CMTM8: variants seen among roughly 807,000 people sequenced by gnomAD.
CMTM8 encodes CKLF-like MARVEL transmembrane domain-containing protein 8.
CMTM8 carries 12 observed loss-of-function variants against 18.6 expected under a neutral mutation model. That is an observed-to-expected ratio of 0.65 (90% CI 0.41 to 1.05). The LOEUF (loss-of-function observed/expected upper bound fraction) is 1.05. CMTM8 is among the 50% of genes least tolerant of loss of function. The pLI is 0.00. For missense variants in CMTM8, 217 were observed against 227.2 expected (o/e 0.95, Z 0.29); for synonymous variants, 87 against 90.6 (o/e 0.96, Z 0.23).
chr3:32,355,923 A>G (rs1696806906), intron 1 of CMTM8, among the ~76,000 whole-genome samples: 1 of 152,048 alleles, frequency 6.6e-6, no homozygotes, highest in Admixed American at 6.6e-5. Context: ...TTCAGCCTGG[A>G]CTTCTCCGAT....
chr3:32,352,069 T>C (rs1390495381), intron 1 of CMTM8, among the ~76,000 whole-genome samples: 1 of 151,204 alleles, frequency 6.6e-6, no homozygotes, highest in Non-Finnish European at 1.5e-5. Context: ...TTACAGCTAC[T>C]CGGGAGGCTG....
At chr3:32,357,877 T>C (rs754829588) in intron 2 of CMTM8, among the ~76,000 whole-genome samples, 2 of 152,230 alleles carry the variant, frequency 1.3e-5, no homozygotes, top group Non-Finnish European at 2.9e-5. Flanking sequence ...TGGAAATAAA[T>C]ATGCCAGGGC....
chr3:32,315,535 T>C (rs1695910447), intron 1 of CMTM8, among the ~76,000 whole-genome samples: 1 of 152,158 alleles, frequency 6.6e-6, no homozygotes. Flanking sequence ...GGCCAGGTGC[T>C]CAGCGAAGGC....
At chr3:32,261,721 C>T (rs1702261490) in intron 1 of CMTM8, among the ~76,000 whole-genome samples, 2 of 152,096 alleles carry the variant, frequency 1.3e-5, no homozygotes, top group African/African-American at 2.4e-5. Context: ...TCTACTTGAA[C>T]CATGATTTGA....
chr3:32,298,798 A>AAT (rs139764907), intron 1 of CMTM8, among the ~76,000 whole-genome samples: 49,324 of 135,850 alleles, frequency 0.36, 8,835 homozygotes, highest in East Asian at 0.48. Flanking sequence ...ACACCCAGCT[A>AAT]ATATATATAT....
chr3:32,314,299 G>A (rs1453318888), intron 1 of CMTM8, among the ~76,000 whole-genome samples: 4 of 152,080 alleles, frequency 2.6e-5, no homozygotes, highest in South Asian at 4.1e-4. Flanking sequence ...TGCAGGGGCT[G>A]GTTGGGGTAC....
intron 1 of CMTM8, among the ~76,000 whole-genome samples, chr3:32,267,543 AAGGACTTC>A (rs1702367960): frequency 1.3e-5 from 2 of 152,244 alleles, no homozygotes; most frequent in Non-Finnish European, 2.9e-5. Flanking sequence ...AGGCATGGGC[AAGGACTTC>A]ATGTCTAAAA....
At chr3:32,315,489 G>A (rs150181161) in intron 1 of CMTM8, among the ~76,000 whole-genome samples, 1 of 152,308 alleles carries the variant, frequency 6.6e-6, no homozygotes, top group African/African-American at 2.4e-5. Context: ...ACAAAACGGG[G>A]CAGGATGAAC....
chr3:32,331,922 C>G (rs761385850), intron 1 of CMTM8, among the ~76,000 whole-genome samples: 7 of 152,140 alleles, frequency 4.6e-5, no homozygotes, highest in Non-Finnish European at 7.3e-5. Context: ...TCTACAGTTT[C>G]ACTTTTACAA....
chr3:32,277,867 G>C (rs1559368049), intron 1 of CMTM8, among the ~76,000 whole-genome samples: 1 of 152,204 alleles, frequency 6.6e-6, no homozygotes, highest in Non-Finnish European at 1.5e-5. Context: ...TTGGAGCCAA[G>C]AAGTGGCTGC....
intron 1 of CMTM8, among the ~76,000 whole-genome samples, chr3:32,278,800 T>C (rs7611893): frequency 0.59 from 90,243 of 152,080 alleles, 26,964 homozygotes; most frequent in Middle Eastern, 0.68. Context: ...GGGTCAGTCC[T>C]GTTTACTGAG....
rs1696452258 is a variant in CMTM8, at chr3:32,339,490, G to T, written c.148-17883G>T. ...GACCACATGGTTTGAAATCCTCCCAGGCAATCCAGACATGCTTCTGCTAAG... is the reference window on the plus strand; with the variant it reads ...GACCACATGGTTTGAAATCCTCCCATGCAATCCAGACATGCTTCTGCTAAG... On this transcript the variant is annotated intron_variant, in intron 1 of 3. Transcript: ENST00000307526. Among the ~76,000 whole-genome samples, 4 of 152,216 alleles carry T rather than the reference G, an allele frequency of 2.6e-5. No homozygotes were observed. In the South Asian group the frequency reaches 8.3e-4, roughly 32 times the overall value.
chr3:32,339,524 C>T (rs994391704), intron 1 of CMTM8, among the ~76,000 whole-genome samples: 2 of 152,186 alleles, frequency 1.3e-5, no homozygotes, highest in African/African-American at 4.8e-5. Flanking sequence ...AGGGCCAGCT[C>T]TCCATTCCCA....
chr3:32,251,209 G>A (rs955374557), intron 1 of CMTM8, among the ~76,000 whole-genome samples: 1 of 152,160 alleles, frequency 6.6e-6, no homozygotes, highest in Non-Finnish European at 1.5e-5. Flanking sequence ...ATAATATTCA[G>A]GGGAGCCTGA....
At chr3:32,301,733 A>G (rs1695622408) in intron 1 of CMTM8, among the ~76,000 whole-genome samples, 2 of 138,900 alleles carry the variant, frequency 1.4e-5, no homozygotes, top group Non-Finnish European at 3.2e-5. Context: ...GATATGAAAC[A>G]AAAAAAAAAA....
chr3:32,266,853 G>A (rs1420100221), intron 1 of CMTM8, among the ~76,000 whole-genome samples: 1 of 152,146 alleles, frequency 6.6e-6, no homozygotes, highest in Admixed American at 6.6e-5. Flanking sequence ...ATTCATAATT[G>A]CTTCAAAGAG....
At chr3:32,285,252 C>A (rs957366230) in intron 1 of CMTM8, among the ~76,000 whole-genome samples, 3 of 152,098 alleles carry the variant, frequency 2.0e-5, no homozygotes, top group African/African-American at 7.2e-5. Context: ...CAGTGGCTCA[C>A]GCCCGTAATC....
intron 1 of CMTM8, among the ~76,000 whole-genome samples, chr3:32,298,974 CAGGG>C (rs1695555204): frequency 7.5e-6 from 1 of 133,358 alleles, no homozygotes; most frequent in Non-Finnish European, 1.6e-5. Flanking sequence ...TTTTTAGAGA[CAGGG>C]GTCCAGGCTA....
chr3:32,294,419 G>A (rs1218440266), intron 1 of CMTM8, among the ~76,000 whole-genome samples: 2 of 152,076 alleles, frequency 1.3e-5, no homozygotes, highest in African/African-American at 2.4e-5. Context: ...CCTTCTCCAC[G>A]TTCCCTCTGG....
Sources: allele counts gnomAD v4.1 joint callset (sites outside exome capture counted in the v4.1 genomes callset), GRCh38; gene constraint gnomAD v4.1.1; transcripts MANE v1.5; gene names NCBI Gene and HGNC (gene_info 2026-07-23, HGNC 2026-07-21).